GAS2: variants seen among roughly 807,000 people sequenced by gnomAD.
GAS2 encodes growth arrest-specific protein 2.
GAS2 carries 20 observed loss-of-function variants against 37.5 expected under a neutral mutation model. That is an observed-to-expected ratio of 0.53 (90% CI 0.37 to 0.77). The LOEUF (loss-of-function observed/expected upper bound fraction) is 0.77, where lower values mean the gene tolerates loss of function less well. Among genes scored for constraint, GAS2 ranks in the 30% least tolerant of loss-of-function variants. GAS2 has a pLI of 0.00. For synonymous variants in GAS2, 144 were observed against 132.2 expected, an observed-to-expected ratio of 1.09 and a Z score of -0.61; for missense variants, 336 against 373.4, an observed-to-expected ratio of 0.90 and a Z score of 0.82.
chr11:22,679,472 A>G (rs1047661966), intron 2 of GAS2, among the ~76,000 whole-genome samples: 1 of 152,114 alleles, frequency 6.6e-6, no homozygotes, highest in African/African-American at 2.4e-5. Flanking sequence ...AGCAAACAGC[A>G]TGTTATTACA....
At chr11:22,727,441 A>T (rs1852270119) in intron 4 of GAS2, among the ~76,000 whole-genome samples, 1 of 152,022 alleles carries the variant, frequency 6.6e-6, no homozygotes, top group East Asian at 1.9e-4. Flanking sequence ...CCCATGCGTA[A>T]CCTAGGAAAT....
intron 7 of GAS2, among the ~76,000 whole-genome samples, chr11:22,757,675 T>C (rs1252649440): frequency 6.6e-6 from 1 of 152,226 alleles, no homozygotes; most frequent in Non-Finnish European, 1.5e-5. Context: ...AATTTTACTA[T>C]TTTTATAACA....
At chr11:22,752,859 AC>A (rs1233788547) in intron 6 of GAS2, among the ~76,000 whole-genome samples, 14 of 151,976 alleles carry the variant, frequency 9.2e-5, no homozygotes, top group African/African-American at 3.4e-4. Flanking sequence ...AAAATAGGTG[AC>A]CCTTTATGTG....
chr11:22,739,347 G>A lies in GAS2; in HGVS notation c.473+1579G>A, dbSNP rs138183613. Among the ~76,000 whole-genome samples, 506 of 151,998 alleles carry A rather than the reference G, an allele frequency of 3.3e-3. 2 individuals are homozygous for A. The highest frequency in any genetic ancestry group is 0.011 in the African/African-American group (470 of 41,478). ...CCCAGCACTTTGGGAGGCCGAGGCG[G>A]GTGGATCACGAGGTCAGGAGATCGA... On this transcript the variant is annotated intron_variant, in intron 5 of 7. Coordinates refer to ENST00000454584, the MANE Select transcript of GAS2 (RefSeq NM_001143830.3).
At chr11:22,692,325 A>G (rs1850284938) in intron 3 of GAS2, among the ~76,000 whole-genome samples, 1 of 152,132 alleles carries the variant, frequency 6.6e-6, no homozygotes, top group Non-Finnish European at 1.5e-5. Context: ...GTTAATTTAG[A>G]AAGTTTATTT....
intron 3 of GAS2, among the ~76,000 whole-genome samples, chr11:22,722,012 T>C (rs1468350633): frequency 6.6e-6 from 1 of 151,964 alleles, no homozygotes; most frequent in Non-Finnish European, 1.5e-5. Context: ...TTTATGAACA[T>C]CGTATAGCAG....
chr11:22,810,593 T>C (rs1857109713), intron 7 of GAS2, among the ~76,000 whole-genome samples: 1 of 152,234 alleles, frequency 6.6e-6, no homozygotes, highest in Non-Finnish European at 1.5e-5. Flanking sequence ...TTAATTACTA[T>C]TTTTCATTAA....
intron 2 of GAS2, among the ~76,000 whole-genome samples, chr11:22,681,448 A>G (rs1849680680): frequency 6.6e-6 from 1 of 152,216 alleles, no homozygotes; most frequent in Admixed American, 6.5e-5. Context: ...TCGCAATTAT[A>G]AATTTAGGAA....
intron 3 of GAS2, among the ~76,000 whole-genome samples, chr11:22,713,064 C>CAAAAAA (rs61240215): frequency 2.7e-5 from 3 of 112,022 alleles, no homozygotes; most frequent in South Asian, 2.9e-4. Context: ...GAGACTGTGT[C>CAAAAAA]AAAAAAAAAA....
At chr11:22,795,993 A>G (rs1856412826) in intron 7 of GAS2, among the ~76,000 whole-genome samples, 1 of 152,132 alleles carries the variant, frequency 6.6e-6, no homozygotes, top group Non-Finnish European at 1.5e-5. Context: ...ACACATAGAG[A>G]TGGTAATACC....
intron 7 of GAS2, among the ~76,000 whole-genome samples, chr11:22,810,999 A>G (rs1280787720): frequency 6.6e-6 from 1 of 152,196 alleles, no homozygotes; most frequent in African/African-American, 2.4e-5. Flanking sequence ...TGATCATGCA[A>G]CATTACCTCT....
At chr11:22,776,264 G>A (rs1006631656) in intron 7 of GAS2, among the ~76,000 whole-genome samples, 6 of 152,190 alleles carry the variant, frequency 3.9e-5, no homozygotes, top group African/African-American at 1.4e-4. Context: ...TTTGTGGGGT[G>A]TATGGTTTCT....
intron 2 of GAS2, among the ~76,000 whole-genome samples, chr11:22,679,151 A>T (rs926261484): frequency 5.3e-5 from 8 of 152,004 alleles, no homozygotes; most frequent in Non-Finnish European, 1.0e-4. Flanking sequence ...TCTTATAGAA[A>T]ATACTCTTTG....
chr11:22,723,185 T>C (rs1852028799), intron 3 of GAS2, among the ~76,000 whole-genome samples: 1 of 151,926 alleles, frequency 6.6e-6, no homozygotes, highest in East Asian at 1.9e-4. Flanking sequence ...CGGAAGCAAA[T>C]AGCCCATAAA....
At chr11:22,690,842 A>C (rs189537808) in intron 3 of GAS2, among the ~76,000 whole-genome samples, 21 of 152,226 alleles carry the variant, frequency 1.4e-4, no homozygotes, top group Admixed American at 1.2e-3. Flanking sequence ...TCCACAGTAC[A>C]AACCCCTTCC....
In GAS2 at chr11:22,811,980, C is replaced by T. The variant is rs1857197506; in HGVS notation, c.906C>T (p.Val302=). The T allele has an allele frequency of 6.2e-7, 1 of 1,613,940 alleles. No individual in the cohort carries two copies. Among genetic ancestry groups the T allele is most frequent in the Non-Finnish European group, 8.5e-7 (1 of 1,179,976 alleles). Reference sequence around the variant, plus strand: ...TGAATCCAGATAACTACTTGGTGGTCTCTGCCAGTTATAAGGCTAAGAAGG... The same window carrying T: ...TGAATCCAGATAACTACTTGGTGGTTTCTGCCAGTTATAAGGCTAAGAAGG... ...KDMNPDNYLV[V]SASYKAKKEI... is the part of the protein sequence containing the mutation. The change falls in exon 8 of 8, where the codon GTC becomes GTT. Residue 302 remains valine, a synonymous_variant. Coordinates refer to ENST00000454584, the MANE Select transcript of GAS2 (RefSeq NM_001143830.3).
At chr11:22,666,196 A>G (rs1160554299), upstream of GAS2, among the ~76,000 whole-genome samples, 1 of 152,216 alleles carries the variant, frequency 6.6e-6, no homozygotes, top group East Asian at 1.9e-4. Context: ...GGAAGGGTGG[A>G]ATTGTATTTC....
At chr11:22,670,023 C>G (rs1187824757) in intron 1 of GAS2, among the ~76,000 whole-genome samples, 1 of 152,062 alleles carries the variant, frequency 6.6e-6, no homozygotes, top group African/African-American at 2.4e-5. Flanking sequence ...CTAGAACTTT[C>G]CTGGGTGGTT....
chr11:22,742,962 G>A lies in GAS2; in HGVS notation c.473+5194G>A, dbSNP rs1430572742. Among the ~76,000 whole-genome samples the A allele has an allele frequency of 4.6e-5, 7 of 152,032 alleles. No individual in the cohort carries two copies. The South Asian group carries it at 1.0e-3, about 23-fold the overall frequency. ...CTTTTAATTGGCTGTGACTTCTCAC[G>A]TCTTAAGTTACTCTAGCCTCACTAC... On this transcript the variant is annotated intron_variant, in intron 5 of 7. Coordinates refer to ENST00000454584, the MANE Select transcript of GAS2 (RefSeq NM_001143830.3).
Sources: gnomAD v4.1 joint callset for allele counts (sites outside exome capture counted in the v4.1 genomes callset) on GRCh38, gnomAD v4.1.1 for gene constraint, MANE v1.5 for transcripts, NCBI Gene and HGNC (gene_info 2026-07-23, HGNC 2026-07-21) for gene names.